The following PTPRT variants were observed in gnomAD, a reference collection of about 807,000 sequenced individuals.
PTPRT encodes the protein protein tyrosine phosphatase receptor type T, also known as receptor-type tyrosine-protein phosphatase T.
PTPRT carries 56 observed loss-of-function variants against 176.8 expected under a neutral mutation model. The observed-to-expected ratio is 0.32, with a 90% confidence interval of 0.26 to 0.40. The LOEUF (loss-of-function observed/expected upper bound fraction) is 0.40. Ranked by LOEUF, PTPRT falls within the 10% of genes least tolerant of loss-of-function variation. The probability of loss-of-function intolerance (pLI) is 1.00; values close to 1 mark genes in which losing one functional copy is unlikely to be tolerated. For synonymous variants in PTPRT, 783 were observed against 739.0 expected, an observed-to-expected ratio of 1.06 and a Z score of -0.96; for missense variants, 1,540 against 1,908.2, an observed-to-expected ratio of 0.81 and a Z score of 3.60.
At chr20:42,153,936 A>G (rs2146470358) in intron 17 of PTPRT, among the ~76,000 whole-genome samples, 1 of 152,336 alleles carries the variant, frequency 6.6e-6, no homozygotes, top group African/African-American at 2.4e-5. Flanking sequence ...TTCCTGCTGG[A>G]AAACTCTCAA....
chr20:42,062,354 T>C, the PTPRT span, among the ~76,000 whole-genome samples: 1 of 152,190 alleles, frequency 6.6e-6, no homozygotes. Flanking sequence ...TCTTCCCCTG[T>C]AGAGTAGAGG....
At chr20:43,173,143 C>T (rs1246162304) in intron 1 of PTPRT, among the ~76,000 whole-genome samples, 1 of 152,134 alleles carries the variant, frequency 6.6e-6, no homozygotes, top group East Asian at 1.9e-4. Context: ...TCTTCACCAC[C>T]ACATGGTTCA....
intron 2 of PTPRT, among the ~76,000 whole-genome samples, chr20:42,812,346 A>T (rs1413833985): frequency 6.6e-6 from 1 of 152,100 alleles, no homozygotes; most frequent in Non-Finnish European, 1.5e-5. Flanking sequence ...AAACTTTTTC[A>T]TCACCCCAAA....
chr20:42,982,233 T>C (rs1438172021), intron 1 of PTPRT, among the ~76,000 whole-genome samples: 1 of 152,186 alleles, frequency 6.6e-6, no homozygotes, highest in Non-Finnish European at 1.5e-5. Context: ...GTACTCAGCA[T>C]CATTATGCTG....
chr20:42,978,966 C>T (rs771756702), intron 1 of PTPRT, among the ~76,000 whole-genome samples: 11 of 152,158 alleles, frequency 7.2e-5, no homozygotes, highest in Non-Finnish European at 1.3e-4. Flanking sequence ...TCCTAACAGA[C>T]TTGCTTTCTC....
At chr20:42,915,082 C>A (rs1370014867) in intron 1 of PTPRT, among the ~76,000 whole-genome samples, 1 of 152,092 alleles carries the variant, frequency 6.6e-6, no homozygotes, top group African/African-American at 2.4e-5. Flanking sequence ...GAAGCAGTCC[C>A]AACTTTGGCC....
intron 7 of PTPRT, among the ~76,000 whole-genome samples, chr20:42,612,414 A>G (rs1013008391): frequency 2.6e-5 from 4 of 152,126 alleles, no homozygotes; most frequent in Non-Finnish European, 5.9e-5. Flanking sequence ...CACAGCCTCA[A>G]CTTGACAGAA....
chr20:42,360,996 A>T (rs2145562795), intron 9 of PTPRT, among the ~76,000 whole-genome samples: 1 of 152,334 alleles, frequency 6.6e-6, no homozygotes, highest in South Asian at 2.1e-4. Flanking sequence ...TACAACTGGG[A>T]TTTAAAATGA....
At chr20:42,551,104 T>C (rs1179869976) in intron 7 of PTPRT, among the ~76,000 whole-genome samples, 3 of 152,258 alleles carry the variant, frequency 2.0e-5, no homozygotes, top group East Asian at 3.9e-4. Flanking sequence ...ATCAAACACA[T>C]AAAACATCTG....
At chr20:42,539,155 A>G (rs986925239) in intron 7 of PTPRT, among the ~76,000 whole-genome samples, 1 of 152,130 alleles carries the variant, frequency 6.6e-6, no homozygotes, top group Non-Finnish European at 1.5e-5. Context: ...GTATTCAGTA[A>G]GACTCAGTAG....
the PTPRT span, among the ~76,000 whole-genome samples, chr20:42,058,743 T>TAG: frequency 6.6e-5 from 10 of 152,296 alleles, no homozygotes; most frequent in Admixed American, 1.3e-4. Flanking sequence ...TGGGCCCTGA[T>TAG]AGAGCCCAGG....
At chr20:43,145,288 A>G (rs2014137387) in intron 1 of PTPRT, among the ~76,000 whole-genome samples, 1 of 152,250 alleles carries the variant, frequency 6.6e-6, no homozygotes, top group Non-Finnish European at 1.5e-5. Context: ...AGAATAAAGT[A>G]GATTATTGAA....
At chr20:43,021,873 T>C (rs1985697632) in intron 1 of PTPRT, among the ~76,000 whole-genome samples, 1 of 151,456 alleles carries the variant, frequency 6.6e-6, no homozygotes, top group Non-Finnish European at 1.5e-5. Flanking sequence ...CTGAGAACTC[T>C]GCAATTCTCT....
intron 23 of PTPRT, among the ~76,000 whole-genome samples, chr20:42,109,573 T>C (rs1233872778): frequency 1.3e-5 from 2 of 152,074 alleles, no homozygotes; most frequent in African/African-American, 4.8e-5. Context: ...GAAAATAATA[T>C]AGAAATGAAA....
chr20:42,108,136 TATCA>T (rs376495738), intron 23 of PTPRT, among the ~76,000 whole-genome samples: 10 of 151,410 alleles, frequency 6.6e-5, no homozygotes, highest in African/African-American at 1.5e-4. Flanking sequence ...TTGGAACAAC[TATCA>T]ATCAATCAGC....
At chr20:42,624,438 T>G (rs1284130009) in intron 7 of PTPRT, among the ~76,000 whole-genome samples, 1 of 152,192 alleles carries the variant, frequency 6.6e-6, no homozygotes, top group African/African-American at 2.4e-5. Context: ...GTTATTAACA[T>G]TGAAAGTAGC....
chr20:42,843,907 G>A (rs773536498), intron 2 of PTPRT, among the ~76,000 whole-genome samples: 1 of 152,218 alleles, frequency 6.6e-6, no homozygotes, highest in Non-Finnish European at 1.5e-5. Flanking sequence ...AAAAAATAAT[G>A]CATGCGAGTG....
At chr20:42,173,267 A>G (rs1990151731) in intron 16 of PTPRT, among the ~76,000 whole-genome samples, 1 of 152,162 alleles carries the variant, frequency 6.6e-6, no homozygotes, top group African/African-American at 2.4e-5. Flanking sequence ...ACCTCTGTTC[A>G]GAGATTCTTC....
At chr20:42,690,460 T>C (rs1003674294) in intron 6 of PTPRT, among the ~76,000 whole-genome samples, 1 of 152,140 alleles carries the variant, frequency 6.6e-6, no homozygotes, top group Non-Finnish European at 1.5e-5. Context: ...AGGGTTGGGT[T>C]GGGAGACTGA....
Sources: gnomAD v4.1 joint callset for allele counts (sites outside exome capture counted in the v4.1 genomes callset) on GRCh38, gnomAD v4.1.1 for gene constraint, MANE v1.5 for transcripts, NCBI Gene and HGNC (gene_info 2026-07-23, HGNC 2026-07-21) for gene names.